The following ASB5 variants were observed in gnomAD, a reference collection of about 807,000 sequenced individuals.
ASB5 encodes ankyrin repeat and SOCS box containing 5, also known as ankyrin repeat and SOCS box protein 5.
A neutral mutation model predicts 42.1 loss-of-function variants in ASB5; 45 were observed. The observed-to-expected ratio is 1.07, with a 90% CI of 0.84 to 1.37. ASB5 has a LOEUF of 1.37. ASB5 is among the 40% of genes most tolerant of loss of function. The probability of loss-of-function intolerance (pLI) is 0.00; values close to 1 mark genes in which losing one functional copy is unlikely to be tolerated. For missense variants in ASB5, 402 were observed against 399.8 expected, an observed-to-expected ratio of 1.01 and a Z score of -0.05; for synonymous variants, 147 against 150.6, an observed-to-expected ratio of 0.98 and a Z score of 0.18.
chr4:176,237,289 C>T (rs1253473909), intron 1 of ASB5: 1 of 985,716 alleles, frequency 1.0e-6, no homozygotes, highest in East Asian at 1.1e-4. Flanking sequence ...GGCTGCTATA[C>T]TAACCTTGAC....
At chr4:176,231,010 G>A (rs1753527282) in intron 1 of ASB5, among the ~76,000 whole-genome samples, 1 of 152,098 alleles carries the variant, frequency 6.6e-6, no homozygotes, top group African/African-American at 2.4e-5. Flanking sequence ...ACAGGAGGTG[G>A]CTCTGCCTAT....
chr4:176,239,335 T>C (rs1327473347), intron 1 of ASB5, among the ~76,000 whole-genome samples: 2 of 152,222 alleles, frequency 1.3e-5, no homozygotes, highest in African/African-American at 2.4e-5. Flanking sequence ...CTTATACTTA[T>C]TATTCTGTAA....
intron 1 of ASB5, among the ~76,000 whole-genome samples, chr4:176,261,224 C>T (rs1269315034): frequency 6.6e-6 from 1 of 152,140 alleles, no homozygotes; most frequent in Non-Finnish European, 1.5e-5. Flanking sequence ...ATGCGCAGTG[C>T]TGAGTCAGTG....
intron 1 of ASB5, among the ~76,000 whole-genome samples, chr4:176,265,061 T>C (rs1161772397): frequency 6.6e-6 from 1 of 152,122 alleles, no homozygotes; most frequent in Admixed American, 6.6e-5. Context: ...TAAATTATGG[T>C]TTAATACATA....
At chr4:176,236,635 T>C (rs991063154) in intron 1 of ASB5, among the ~76,000 whole-genome samples, 5 of 152,206 alleles carry the variant, frequency 3.3e-5, no homozygotes, top group Non-Finnish European at 4.4e-5. Flanking sequence ...ATAACATTCT[T>C]CAAGCTCCAG....
At chr4:176,223,673 T>C (rs1564617) in intron 2 of ASB5, among the ~76,000 whole-genome samples, 78,738 of 151,946 alleles carry the variant, frequency 0.52, 20,460 homozygotes, top group East Asian at 0.56. Flanking sequence ...TCAAAGATTT[T>C]GAGTTGGCTA....
At chr4:176,219,850 T>G (rs181951181) in intron 5 of ASB5, among the ~76,000 whole-genome samples, 233 of 151,640 alleles carry the variant, frequency 1.5e-3, no homozygotes, top group African/African-American at 5.2e-3. Flanking sequence ...TACAGGCCCA[T>G]ATATTTTAAA....
chr4:176,225,886 G>A lies in ASB5; in HGVS notation c.197-545C>T, dbSNP rs13435447. Among the ~76,000 whole-genome samples, 596 of 152,302 alleles carry A rather than the reference G, an allele frequency of 3.9e-3. 6 individuals are homozygous for A. Among genetic ancestry groups the A allele is most frequent in the African/African-American group, 0.014 (571 of 41,562 alleles). On this transcript the variant is annotated intron_variant, in intron 1 of 6. Transcript: ENST00000296525. ...ATTACAGGCGTGAGCCACTGCCCCCGGCTTACTATGCCTTTTGAATTATCT... is the reference window on the plus strand; with the variant it reads ...ATTACAGGCGTGAGCCACTGCCCCCAGCTTACTATGCCTTTTGAATTATCT...
chr4:176,259,183 C>G (rs1754211639), intron 1 of ASB5, among the ~76,000 whole-genome samples: 1 of 152,004 alleles, frequency 6.6e-6, no homozygotes, highest in Non-Finnish European at 1.5e-5. Context: ...TTATTCTTTC[C>G]TGGATGCAAC....
intron 1 of ASB5, among the ~76,000 whole-genome samples, chr4:176,276,557 A>C (rs1754566959): frequency 1.3e-5 from 2 of 152,210 alleles, no homozygotes; most frequent in African/African-American, 4.8e-5. Context: ...AAATATTCTG[A>C]GTAATTTCAT....
At chr4:176,260,957 G>A (rs1250879378) in intron 1 of ASB5, among the ~76,000 whole-genome samples, 1 of 152,186 alleles carries the variant, frequency 6.6e-6, no homozygotes, top group Non-Finnish European at 1.5e-5. Context: ...TTACAGGCGT[G>A]AGCCACCACG....
chr4:176,269,067 T>G lies in ASB5; in HGVS notation c.42A>C (p.Leu14Phe). The change falls in exon 1 of 7, where the codon TTA (leucine) becomes TTC (phenylalanine). Residue 14 changes from leucine to phenylalanine, a missense_variant. Coordinates refer to ENST00000296525, the MANE Select transcript of ASB5 (RefSeq NM_080874.4). ...AAAGTATTGTAAAGTAGACATTGGATAATTGTTGAGCAAACGGCCGATTTT... is the reference window on the plus strand; with the variant it reads ...AAAGTATTGTAAAGTAGACATTGGAGAATTGTTGAGCAAACGGCCGATTTT... ...LEENRPFAQQ[L>F]SNVYFTILSL... 6.2e-7 allele frequency: 1 copy of G among 1,611,996 alleles called. No homozygotes were observed. Among genetic ancestry groups the G allele is most frequent in the Non-Finnish European group, 8.5e-7 (1 of 1,179,028 alleles).
intron 1 of ASB5, among the ~76,000 whole-genome samples, chr4:176,242,887 T>C (rs1280236034): frequency 6.6e-6 from 1 of 152,210 alleles, no homozygotes; most frequent in Non-Finnish European, 1.5e-5. Context: ...GATTTCTACA[T>C]TAAAATTACT....
At position 176,221,462 on chromosome 4, in the gene ASB5, C is replaced by T. The variant is rs1229417536; in HGVS notation, c.523G>A (p.Ala175Thr). 4 of 1,613,450 alleles carry T rather than the reference C, an allele frequency of 2.5e-6. No individual in the cohort carries two copies. The highest frequency in any genetic ancestry group is 2.7e-5 in the African/African-American group (2 of 75,008). ...AGAACTAAGTTACCTTTACTGGCGG[C>T]CTCATGCGTTGGGGATGGAAGACAT... is the stretch of plus-strand genomic sequence containing the variant. ...ESCLPSPTHEAASKGHHECLD... is the reference protein window; with the variant it reads ...ESCLPSPTHETASKGHHECLD... The change falls in exon 4 of 7, where the codon GCC (alanine) becomes ACC (threonine). Residue 175 changes from alanine to threonine, a missense_variant. Ala to Thr is a moderately conservative substitution (Grantham distance 58, BLOSUM62 0). Transcript: ENST00000296525.
chr4:176,257,809 T>C (rs993954854), intron 1 of ASB5, among the ~76,000 whole-genome samples: 7 of 152,148 alleles, frequency 4.6e-5, no homozygotes, highest in African/African-American at 1.7e-4. Context: ...GGAATCTGGG[T>C]TGGAATTCTG....
chr4:176,222,293 A>G lies in ASB5; in HGVS notation c.384+20T>C, dbSNP rs1305614152. On this transcript the variant is annotated intron_variant, in intron 3 of 6. Transcript: ENST00000296525. Reference sequence around the variant, plus strand: ...TCCGTCAGTAGATGTTAAATGATTAATGTTTTGAAAGGTACTTACATTAGC... The same window carrying G: ...TCCGTCAGTAGATGTTAAATGATTAGTGTTTTGAAAGGTACTTACATTAGC... The G allele has an allele frequency of 4.5e-6, 7 of 1,571,710 alleles. No homozygotes were observed. Among genetic ancestry groups the G allele is most frequent in the Non-Finnish European group, 5.3e-6 (6 of 1,141,556 alleles).
At chr4:176,276,143 A>G (rs1455293629) in intron 1 of ASB5, among the ~76,000 whole-genome samples, 2 of 152,338 alleles carry the variant, frequency 1.3e-5, no homozygotes, top group African/African-American at 4.8e-5. Flanking sequence ...AAAGAGTTCC[A>G]TGATAAAAGT....
At chr4:176,247,961 G>A (rs897707307) in intron 1 of ASB5, among the ~76,000 whole-genome samples, 6 of 152,120 alleles carry the variant, frequency 3.9e-5, no homozygotes, top group African/African-American at 1.4e-4. Context: ...TAAAAAGGGG[G>A]AAGACAGATG....
At chr4:176,248,799 C>T (rs1314456553) in intron 1 of ASB5, among the ~76,000 whole-genome samples, 2 of 151,932 alleles carry the variant, frequency 1.3e-5, no homozygotes, top group African/African-American at 2.4e-5. Context: ...GAGATGTATG[C>T]ATAGGAGCTG....
Sources: gnomAD v4.1 joint callset for allele counts (sites outside exome capture counted in the v4.1 genomes callset) on GRCh38, gnomAD v4.1.1 for gene constraint, MANE v1.5 for transcripts, NCBI Gene and HGNC (gene_info 2026-07-23, HGNC 2026-07-21) for gene names.